Variants in CHLSN observed in about 807,000 individuals in gnomAD.
CHLSN encodes the protein cholesin, also known as protein cholesin.
the CHLSN span, among the ~76,000 whole-genome samples, chr7:1,010,639 T>C: frequency 6.6e-6 from 1 of 152,016 alleles, no homozygotes; most frequent in Non-Finnish European, 1.5e-5. Context: ...GGCTGCAGGC[T>C]GGGGACAGGG....
At chr7:983,421 G>A in the CHLSN span, 4 of 1,431,216 alleles carry the variant, frequency 2.8e-6, no homozygotes, top group African/African-American at 2.9e-5. Flanking sequence ...TTGCCGCTTG[G>A]ACAGCTGCCG....
At chr7:1,019,150 C>T in the CHLSN span, among the ~76,000 whole-genome samples, 12 of 139,816 alleles carry the variant, frequency 8.6e-5, no homozygotes, top group African/African-American at 2.7e-4. Context: ...GCCAAGATCG[C>T]GCCATTGCAC....
At chr7:1,096,860 C>T in the CHLSN span, among the ~76,000 whole-genome samples, 1 of 152,236 alleles carries the variant, frequency 6.6e-6, no homozygotes, top group South Asian at 2.1e-4. The surrounding 1 kb of genome is among the most constrained non-coding windows in gnomAD (Gnocchi z 4.6). Flanking sequence ...CGCGCCCACT[C>T]ACCTGCAGTC....
the CHLSN span, among the ~76,000 whole-genome samples, chr7:1,101,421 C>T: frequency 2.0e-5 from 3 of 151,484 alleles, no homozygotes; most frequent in Non-Finnish European, 2.9e-5. Context: ...GCGCGTGCGG[C>T]GTCGGACCAG....
At chr7:1,000,114 G>A in the CHLSN span, among the ~76,000 whole-genome samples, 1 of 152,234 alleles carries the variant, frequency 6.6e-6, no homozygotes, top group Admixed American at 6.5e-5. Context: ...CAGGGCTCCT[G>A]GAGGAGGCAA....
chr7:1,062,741 C>T, the CHLSN span, among the ~76,000 whole-genome samples: 9 of 152,230 alleles, frequency 5.9e-5, no homozygotes, highest in South Asian at 4.1e-4. Context: ...CCTGCCTCCG[C>T]CCTGCTGCAC....
At chr7:1,050,896 CT>C in the CHLSN span, among the ~76,000 whole-genome samples, 2 of 152,238 alleles carry the variant, frequency 1.3e-5, no homozygotes, top group Non-Finnish European at 2.9e-5. Flanking sequence ...AACTCTACCC[CT>C]GTCCTTCCCA....
chr7:1,070,469 A>G, the CHLSN span, among the ~76,000 whole-genome samples: 7 of 151,734 alleles, frequency 4.6e-5, no homozygotes, highest in African/African-American at 1.7e-4. Flanking sequence ...GCACACATGC[A>G]CGCACATACG....
At chr7:1,044,447 G>A in the CHLSN span, 1 of 145,572 alleles carries the variant, frequency 6.9e-6, no homozygotes, top group Non-Finnish European at 1.5e-5. Flanking sequence ...CCGCGGTCTA[G>A]CCGCGAGGGC....
the CHLSN span, among the ~76,000 whole-genome samples, chr7:999,306 C>T: frequency 6.6e-6 from 1 of 152,252 alleles, no homozygotes; most frequent in Admixed American, 6.5e-5. Context: ...GCTTGGCCCG[C>T]ATGCTGGAAT....
chr7:986,821 T>C, the CHLSN span: 1 of 1,510,224 alleles, frequency 6.6e-7, no homozygotes, highest in Admixed American at 2.1e-5. Flanking sequence ...CAAGACCTCC[T>C]TGAAGGCCTG....
At chr7:1,008,727 A>C in the CHLSN span, among the ~76,000 whole-genome samples, 1 of 152,160 alleles carries the variant, frequency 6.6e-6, no homozygotes, top group South Asian at 2.1e-4. Context: ...GGGGATGCAC[A>C]CACAACACAC....
At chr7:1,008,844 C>CACACACATAA in the CHLSN span, among the ~76,000 whole-genome samples, 2 of 139,136 alleles carry the variant, frequency 1.4e-5, no homozygotes, top group African/African-American at 5.2e-5. Context: ...TATACACACG[C>CACACACATAA]ACACACGTAA....
chr7:988,292 C>T, the CHLSN span: 4 of 1,597,896 alleles, frequency 2.5e-6, no homozygotes, highest in Non-Finnish European at 3.4e-6. Context: ...GCCCGTGATT[C>T]CCCTGCTGAC....
At chr7:987,450 G>A in the CHLSN span, 39 of 1,581,644 alleles carry the variant, frequency 2.5e-5, no homozygotes, top group Non-Finnish European at 3.1e-5. Context: ...TCCACGAGGT[G>A]CAGCGGTTCA....
At chr7:1,100,206 C>T in the CHLSN span, among the ~76,000 whole-genome samples, 1 of 152,206 alleles carries the variant, frequency 6.6e-6, no homozygotes, top group Non-Finnish European at 1.5e-5. Context: ...CACCCTGCCC[C>T]GTATGAGCCC....
chr7:985,089 T>A, the CHLSN span: 1 of 1,612,196 alleles, frequency 6.2e-7, no homozygotes. Context: ...GGCAGCTGGA[T>A]GGCTACAGAG....
chr7:1,135,914 T>TATATAAGTATATATAAAC, the CHLSN span, among the ~76,000 whole-genome samples: 1 of 125,250 alleles, frequency 8.0e-6, no homozygotes, highest in Admixed American at 8.8e-5. Context: ...TATAAAAATA[T>TATATAAGTATATATAAAC]ATATAAGTAT....
the CHLSN span, among the ~76,000 whole-genome samples, chr7:1,049,186 C>T: frequency 6.6e-6 from 1 of 152,198 alleles, no homozygotes; most frequent in Non-Finnish European, 1.5e-5. Flanking sequence ...TTGTTGTCAC[C>T]CCCACCCTGC....
Sources: gnomAD v4.1 joint callset for allele counts (sites outside exome capture counted in the v4.1 genomes callset) on GRCh38, gnomAD v4.1.1 for gene constraint, Gnocchi (gnomAD v3.1) non-coding constraint, MANE v1.5 for transcripts, NCBI Gene and HGNC (gene_info 2026-07-23, HGNC 2026-07-21) for gene names.